The following ZNF536 variants were observed in gnomAD, a reference collection of about 807,000 sequenced individuals.
ZNF536 encodes the protein zinc finger protein 536.
Under a neutral mutation model 84.5 loss-of-function variants are expected in ZNF536, and 13 were observed. That is an observed-to-expected ratio of 0.15 (90% CI 0.10 to 0.24). ZNF536 has a LOEUF of 0.24. Ranked by LOEUF, ZNF536 falls within the 10% of genes least tolerant of loss-of-function variation. The pLI, the probability that ZNF536 is intolerant of heterozygous loss-of-function variation, is 1.00. For missense variants in ZNF536, 1,536 were observed against 1,747.5 expected (o/e 0.88, Z 2.16); for synonymous variants, 811 against 742.5 (o/e 1.09, Z -1.50).
chr19:30,644,596 T>C (rs2049395354), intron 1 of ZNF536, among the ~76,000 whole-genome samples: 1 of 152,154 alleles, frequency 6.6e-6, no homozygotes, highest in South Asian at 2.1e-4. Flanking sequence ...AATTCCCACC[T>C]ATGAGTGAGA....
intron 1 of ZNF536, among the ~76,000 whole-genome samples, chr19:30,649,180 G>T (rs2049600805): frequency 6.6e-6 from 1 of 152,164 alleles, no homozygotes; most frequent in Admixed American, 6.6e-5. Flanking sequence ...GATGGACTTG[G>T]TGAGCAAAAA....
intron 1 of ZNF536, among the ~76,000 whole-genome samples, chr19:30,608,454 G>C (rs778262793): frequency 6.6e-6 from 1 of 152,160 alleles, no homozygotes; most frequent in South Asian, 2.1e-4. Context: ...CAAAATGAGA[G>C]CTTTCTGGAC....
intron 1 of ZNF536, among the ~76,000 whole-genome samples, chr19:30,414,453 T>C (rs911786629): frequency 6.6e-6 from 1 of 152,214 alleles, no homozygotes; most frequent in African/African-American, 2.4e-5. Context: ...CTCTCTTTTA[T>C]TGCATGGATG....
intron 1 of ZNF536, among the ~76,000 whole-genome samples, chr19:30,439,318 G>A (rs1209370191): frequency 6.6e-6 from 1 of 152,186 alleles, no homozygotes; most frequent in African/African-American, 2.4e-5. Context: ...AGGCCCTCGA[G>A]GGCAGGTACA....
intron 1 of ZNF536, among the ~76,000 whole-genome samples, chr19:30,676,379 C>T (rs537463458): frequency 3.9e-5 from 6 of 152,156 alleles, no homozygotes; most frequent in Admixed American, 3.9e-4. Flanking sequence ...TCTGTGAGCC[C>T]CTTGTCAACA....
intron 1 of ZNF536, among the ~76,000 whole-genome samples, chr19:30,566,401 TCTG>T (rs1456823274): frequency 6.6e-6 from 1 of 152,232 alleles, no homozygotes; most frequent in African/African-American, 2.4e-5. Context: ...AAAGACTTCC[TCTG>T]TGGCAAGTCC....
chr19:30,370,220 C>T (rs911922568), upstream of ZNF536, among the ~76,000 whole-genome samples: 1 of 152,166 alleles, frequency 6.6e-6, no homozygotes, highest in Non-Finnish European at 1.5e-5. Flanking sequence ...ATGGCGACAG[C>T]GTGGCTTTGA....
chr19:30,450,400 G>A (rs555455407), intron 2 of ZNF536, among the ~76,000 whole-genome samples: 4 of 152,306 alleles, frequency 2.6e-5, no homozygotes, highest in Non-Finnish European at 5.9e-5. Context: ...AAGTTTCCAG[G>A]CAATTCCAGG....
chr19:30,689,751 T>C (rs1242527675), intron 1 of ZNF536, among the ~76,000 whole-genome samples: 1 of 152,138 alleles, frequency 6.6e-6, no homozygotes, highest in Non-Finnish European at 1.5e-5. Flanking sequence ...CAAAAGCTCC[T>C]AGTGAATTAT....
chr19:30,528,554 C>T (rs926533553), intron 2 of ZNF536, among the ~76,000 whole-genome samples: 1 of 152,128 alleles, frequency 6.6e-6, no homozygotes, highest in Non-Finnish European at 1.5e-5. Flanking sequence ...TTAATATAAC[C>T]AGGATTTGTT....
chr19:30,485,042 G>A (rs2054246911), intron 2 of ZNF536, among the ~76,000 whole-genome samples: 1 of 152,024 alleles, frequency 6.6e-6, no homozygotes, highest in Non-Finnish European at 1.5e-5. Context: ...TACTCGGGAG[G>A]CTGAGGCAGG....
chr19:30,238,671 T>C (rs2023722018), intron 1 of ZNF536, among the ~76,000 whole-genome samples: 1 of 152,152 alleles, frequency 6.6e-6, no homozygotes, highest in Non-Finnish European at 1.5e-5. Context: ...TCTCTCTATC[T>C]ATCTGTCTGT....
At chr19:30,274,809 TG>T (rs1182544878) in intron 1 of ZNF536, among the ~76,000 whole-genome samples, 3 of 152,198 alleles carry the variant, frequency 2.0e-5, no homozygotes, top group African/African-American at 7.2e-5. Context: ...GTAGCACAGG[TG>T]GAACAGAAAA....
At chr19:30,518,424 A>G (rs1429913524) in intron 2 of ZNF536, among the ~76,000 whole-genome samples, 2 of 152,330 alleles carry the variant, frequency 1.3e-5, no homozygotes, top group South Asian at 2.1e-4. Flanking sequence ...TGCAATCATG[A>G]TAGTGGATTA....
chr19:30,574,395 C>T (rs116366248), intron 1 of ZNF536, among the ~76,000 whole-genome samples: 288 of 152,320 alleles, frequency 1.9e-3, no homozygotes, highest in African/African-American at 6.6e-3. Context: ...ACTCCCAAGC[C>T]CACTGCCTCC....
At chr19:30,479,319 C>T (rs1255509417) in intron 2 of ZNF536, among the ~76,000 whole-genome samples, 1 of 152,118 alleles carries the variant, frequency 6.6e-6, no homozygotes, top group Non-Finnish European at 1.5e-5. Context: ...GAGAATGGAG[C>T]AAGAGACTCT....
intron 1 of ZNF536, among the ~76,000 whole-genome samples, chr19:30,406,317 G>A (rs1282454727): frequency 6.6e-6 from 1 of 152,126 alleles, no homozygotes; most frequent in Non-Finnish European, 1.5e-5. Context: ...AGAGCGGAGT[G>A]TGGTTAAGGA....
In ZNF536 at chr19:30,687,886, T is replaced by TA. The variant is rs1300715114; in HGVS notation, c.170-22870dup. On this transcript the variant is annotated intron_variant, in intron 1 of 1. Coordinates refer to the ZNF536 transcript ENST00000592773. ...CATGATTCTTGAACACACTGACTAT[T>TA]ACGTATTTTCTGGGGACATGCTATT... Among the ~76,000 whole-genome samples, 9 of 152,206 alleles carry TA rather than the reference T, an allele frequency of 5.9e-5. No homozygotes were observed. In the East Asian group the frequency reaches 1.5e-3, roughly 26 times the overall value.
chr19:30,518,182 G>A (rs1283925905), intron 2 of ZNF536, among the ~76,000 whole-genome samples: 2 of 152,178 alleles, frequency 1.3e-5, no homozygotes, highest in Non-Finnish European at 2.9e-5. Context: ...CTCGCAGCTG[G>A]CCCTGTCACC....
Sources: allele counts gnomAD v4.1 joint callset (sites outside exome capture counted in the v4.1 genomes callset), GRCh38; gene constraint gnomAD v4.1.1; transcripts MANE v1.5; gene names NCBI Gene and HGNC (gene_info 2026-07-23, HGNC 2026-07-21).